RBAK: variants seen among roughly 807,000 people sequenced by gnomAD.
RBAK encodes RB-associated KRAB zinc finger protein.
Under a neutral mutation model 65.8 loss-of-function variants are expected in RBAK, and 39 were observed. That is an observed-to-expected ratio of 0.59 (90% CI 0.46 to 0.77). The LOEUF is 0.77. Ranked by LOEUF, RBAK falls within the 30% of genes least tolerant of loss-of-function variation. The pLI, the probability that RBAK is intolerant of heterozygous loss-of-function variation, is 0.00. For missense variants in RBAK, 884 were observed against 855.1 expected (o/e 1.03, Z -0.42); for synonymous variants, 343 against 289.7 (o/e 1.18, Z -1.87).
chr7:5,046,527 G>A (rs1357184634), intron 1 of RBAK, 131 bp downstream of exon 1: 6 of 358,036 alleles, frequency 1.7e-5, no homozygotes, highest in African/African-American at 1.3e-4. Flanking sequence ...TGGGTTTGAG[G>A]GCAGGGTCCG....
chr7:5,048,745 G>A lies in RBAK; in HGVS notation c.15+654G>A, dbSNP rs1788049787. ...AAGAAAAGAGGTTTAATTGGCTCAC[G>A]CCTGCAGGCTCTATCATAGGAAGCA... is the stretch of plus-strand genomic sequence containing the variant. On this transcript the variant is annotated intron_variant, in intron 2 of 4. Coordinates refer to ENST00000396912, the MANE Select transcript of RBAK (RefSeq NM_021163.4). This position sits in a 1 kb window ranked among gnomAD's most constrained non-coding sequence, Gnocchi z 4.4. Among the ~76,000 whole-genome samples the A allele has an allele frequency of 6.6e-6, 1 of 152,112 alleles. No individual in the cohort carries two copies.
At position 5,065,173 on chromosome 7, in the gene RBAK, G is replaced by A. The variant is rs1196999758; in HGVS notation, c.1717G>A (p.Gly573Arg). ...GAAACCTTATGGATGTAGCGAATGTGGGAAAACCTTTTCCCATAATTCATC... is the reference window on the plus strand; with the variant it reads ...GAAACCTTATGGATGTAGCGAATGTAGGAAAACCTTTTCCCATAATTCATC... ...EEKPYGCSEC[G>R]KTFSHNSSLF... The change falls in exon 5 of 5, where the codon GGG becomes AGG. Residue 573 changes from glycine to arginine, a missense_variant. Coordinates refer to ENST00000396912, the MANE Select transcript of RBAK (RefSeq NM_021163.4). The surrounding 1 kb of genome is among the most constrained non-coding windows in gnomAD (Gnocchi z 5.3). The A allele has an allele frequency of 1.2e-6, 2 of 1,613,666 alleles. No individual in the cohort carries two copies. Among genetic ancestry groups the A allele is most frequent in the Non-Finnish European group, 1.7e-6 (2 of 1,179,836 alleles).
chr7:5,064,073 A>G lies in RBAK; in HGVS notation c.617A>G (p.Glu206Gly), dbSNP rs763592621. The G allele has an allele frequency of 6.2e-7, 1 of 1,613,890 alleles. No individual in the cohort carries two copies. Among genetic ancestry groups the G allele is most frequent in the South Asian group, 1.1e-5 (1 of 91,064 alleles). Reference sequence around the variant, plus strand: ...ATTAGTATTTTGGAGAAACCCTTTGAATATAATGAATGCATGGAAGCCTTA... The same window carrying G: ...ATTAGTATTTTGGAGAAACCCTTTGGATATAATGAATGCATGGAAGCCTTA... ...QKISILEKPFEYNECMEALDN... is the reference protein window; with the variant it reads ...QKISILEKPFGYNECMEALDN... Residue 206 changes from glutamate to glycine, a missense_variant, in exon 5 of 5, where the codon GAA becomes GGA. Glu to Gly is a moderately conservative substitution (Grantham distance 98, BLOSUM62 -2). Coordinates refer to ENST00000396912, the MANE Select transcript of RBAK (RefSeq NM_021163.4). The surrounding 1 kb of genome is among the most constrained non-coding windows in gnomAD (Gnocchi z 6.3).
chr7:5,046,144 G>A lies in RBAK; in HGVS notation c.-297G>A, dbSNP rs1438299793. The stretch of plus-strand genomic sequence containing the variant: ...GAGGCGAAGGGGCGGCGGGACGCGG[G>A]CCTGGCCCGTGTGTGTCCTGGCGGC... On this transcript the variant is annotated 5_prime_UTR_variant, in exon 1 of 5. Transcript: ENST00000396912. 1.5e-5 allele frequency: 6 copies of A among 398,606 alleles called. No individual in the cohort carries two copies. The highest frequency in any genetic ancestry group is 8.3e-5 in the Admixed American group (3 of 35,974). The allele number at this position is 398,606 out of a possible 1,614,324, so 24.7% of individuals were successfully genotyped here.
intron 4 of RBAK, among the ~76,000 whole-genome samples, chr7:5,058,206 C>T (rs891964016): frequency 2.0e-5 from 3 of 152,138 alleles, no homozygotes; most frequent in African/African-American, 7.2e-5. Context: ...TCCCAAGTAG[C>T]TGGGATTACA....
Position 5,046,210 on chromosome 7 carries a change from G to A in RBAK, c.-231G>A, listed in dbSNP as rs73332924. 0.016 allele frequency: 7,681 copies of A among 493,722 alleles called. 513 individuals carry two copies. Among genetic ancestry groups the A allele is most frequent in the African/African-American group, 0.13 (6,901 of 51,530 alleles). The allele number at this position is 493,722 out of a possible 1,614,324, so 30.6% of individuals were successfully genotyped here. On this transcript the variant is annotated 5_prime_UTR_variant, in exon 1 of 5. Transcript: ENST00000396912. ...GCTGTACGGTGAGCCCGAGGGAGGC[G>A]GATCTGGGTCCCGGGAAGGACACCC...
In RBAK at chr7:5,064,767, C is replaced by A. The variant is rs916340685; in HGVS notation, c.1311C>A (p.Phe437Leu). 22 of 1,613,920 alleles carry A rather than the reference C, an allele frequency of 1.4e-5. 1 individual carries two copies. Among genetic ancestry groups the A allele is most frequent in the Middle Eastern group, 1.6e-4 (1 of 6,080 alleles). ...ATCAGTGTAGCGAGTGTGGGAAATTCTTTTCTCGGGTGTCATACCTCACTA... is the reference window on the plus strand; with the variant it reads ...ATCAGTGTAGCGAGTGTGGGAAATTATTTTCTCGGGTGTCATACCTCACTA... ...KPYQCSECGK[F>L]FSRVSYLTIH... Residue 437 changes from phenylalanine (F) to leucine (L), a missense_variant, in exon 5 of 5, where the codon TTC becomes TTA. Transcript: ENST00000396912. This position sits in a 1 kb window ranked among gnomAD's most constrained non-coding sequence, Gnocchi z 6.3.
intron 4 of RBAK, 140 bp downstream of exon 4, chr7:5,057,919 A>T (rs1778969177): frequency 1.2e-6 from 1 of 828,354 alleles, no homozygotes; most frequent in Non-Finnish European, 1.9e-6. Context: ...GCACACATAC[A>T]TGAACTCTTT....
In RBAK at chr7:5,064,185, A is replaced by G; in HGVS notation, c.729A>G (p.Ile243Met). 1.2e-6 allele frequency: 2 copies of G among 1,613,922 alleles called. No homozygotes were observed. Among genetic ancestry groups the G allele is most frequent in the Non-Finnish European group, 1.7e-6 (2 of 1,179,918 alleles). The change falls in exon 5 of 5, where the codon ATA becomes ATG. Residue 243 changes from isoleucine to methionine, a missense_variant. Ile to Met is a conservative substitution (Grantham distance 10, BLOSUM62 1). Transcript: ENST00000396912. This position sits in a 1 kb window ranked among gnomAD's most constrained non-coding sequence, Gnocchi z 6.3. ...YEWNDSGPDF[I>M]QMSNFNAYQR... ...GGAATGATTCTGGACCAGACTTCAT[A>G]CAGATGTCAAATTTTAATGCATATC... is the stretch of plus-strand genomic sequence containing the variant.
chr7:5,057,285 G>A lies in RBAK; in HGVS notation c.16-10G>A, dbSNP rs1554282326. On this transcript the variant is annotated splice_polypyrimidine_tract_variant and intron_variant, in intron 2 of 4. Transcript: ENST00000396912. Reference sequence around the variant, plus strand: ...CGTATCTCCCAATTCTGATCATGTTGCCATTACAGGGGCCAGTGTCATTCA... The same window carrying A: ...CGTATCTCCCAATTCTGATCATGTTACCATTACAGGGGCCAGTGTCATTCA... The A allele has an allele frequency of 1.9e-5, 30 of 1,613,680 alleles. 2 individuals are homozygous for A. In the South Asian group the frequency reaches 3.3e-4, roughly 18 times the overall value.
intron 1 of RBAK, among the ~76,000 whole-genome samples, chr7:5,046,843 A>C (rs1355147067): frequency 1.3e-5 from 2 of 152,112 alleles, no homozygotes. Flanking sequence ...ACTGGGCCTT[A>C]GCAGGTGGGT....
Position 5,063,831 on chromosome 7 carries a change from A to C in RBAK, c.375A>C (p.Thr125=), listed in dbSNP as rs1003631452. ...ENTFSQIYME[T]SLVPSSIIAH... ...CATTTAGTCAAATTTACATGGAAACAAGCCTTGTTCCTTCAAGCATAATAG... is the reference window on the plus strand; with the variant it reads ...CATTTAGTCAAATTTACATGGAAACCAGCCTTGTTCCTTCAAGCATAATAG... The change falls in exon 5 of 5, where the codon ACA becomes ACC. Residue 125 remains threonine, a synonymous_variant. Transcript: ENST00000396912. 4 of 1,613,996 alleles carry C rather than the reference A, an allele frequency of 2.5e-6. No homozygotes were observed. Among genetic ancestry groups the C allele is most frequent in the Non-Finnish European group, 3.4e-6 (4 of 1,180,006 alleles).
chr7:5,067,236 G>GA lies in RBAK; in HGVS notation c.*1639dup, dbSNP rs1418729045. On this transcript the variant is annotated 3_prime_UTR_variant, in exon 5 of 5. Transcript: ENST00000396912. Reference sequence around the variant, plus strand: ...AGAGAAACAAAAGGCATAGAGATTAGAAAAGAAGTAAAACTTTAAAAACGA... The same window carrying GA: ...AGAGAAACAAAAGGCATAGAGATTAGAAAAAGAAGTAAAACTTTAAAAACGA... 3.9e-5 allele frequency: 6 copies of GA among 152,086 alleles called. No individual in the cohort carries two copies. Among genetic ancestry groups the GA allele is most frequent in the Admixed American group, 3.9e-4 (6 of 15,256 alleles). 9.4% of individuals were successfully genotyped at this position (152,086 alleles called of 1,614,324 possible).
In RBAK at chr7:5,048,010, G is replaced by T. The variant is rs1788031469; in HGVS notation, c.-44-23G>T. ...GCAGGCCAGAGCACTCATGACTTCA[G>T]TGACCTGCTTCTCCCCCTCTAGGTC... On this transcript the variant is annotated intron_variant, in intron 1 of 4. Transcript: ENST00000396912. This position sits in a 1 kb window ranked among gnomAD's most constrained non-coding sequence, Gnocchi z 4.4. The T allele has an allele frequency of 7.4e-7, 1 of 1,346,838 alleles. No homozygotes were observed. The highest frequency in any genetic ancestry group is 1.0e-6 in the Non-Finnish European group (1 of 973,672). The allele number at this position is 1,346,838 out of a possible 1,614,324, so 83.4% of individuals were successfully genotyped here. A position where few individuals can be genotyped will look rare whatever the true frequency, so the allele number is the denominator to read the frequency against.
At chr7:5,062,917 A>G (rs1215699286) in intron 4 of RBAK, among the ~76,000 whole-genome samples, 1 of 152,182 alleles carries the variant, frequency 6.6e-6, no homozygotes, top group Non-Finnish European at 1.5e-5. Flanking sequence ...TTCCCTAAAC[A>G]TTGCTGTTTT....
chr7:5,062,747 C>G (rs1336966578), intron 4 of RBAK, among the ~76,000 whole-genome samples: 2 of 152,182 alleles, frequency 1.3e-5, no homozygotes, highest in Non-Finnish European at 2.9e-5. Flanking sequence ...AGGGGGCCAT[C>G]TATAGGCCCA....
At chr7:5,052,271 A>G (rs1788132659) in intron 2 of RBAK, among the ~76,000 whole-genome samples, 3 of 152,226 alleles carry the variant, frequency 2.0e-5, no homozygotes, top group Admixed American at 6.5e-5. Context: ...TCTTGTAGGC[A>G]GCAAGATTTG....
rs749184652 is a variant in RBAK, at chr7:5,048,466, G to A, written c.15+375G>A. Among the ~76,000 whole-genome samples, 2 of 152,208 alleles carry A rather than the reference G, an allele frequency of 1.3e-5. No homozygotes were observed. Among genetic ancestry groups the A allele is most frequent in the Admixed American group, 6.5e-5 (1 of 15,278 alleles). On this transcript the variant is annotated intron_variant, in intron 2 of 4. Transcript: ENST00000396912. The surrounding 1 kb of genome is among the most constrained non-coding windows in gnomAD (Gnocchi z 4.4). ...TGGGATTACAGGCATGAGCCACCGC[G>A]CCCAGCCAGGATTCATACTTTAAAA...
In RBAK at chr7:5,065,279, CAT is replaced by C; in HGVS notation, c.1826_1827del (p.Tyr609SerfsTer15). 6.2e-7 allele frequency: 1 copy of C among 1,614,004 alleles called. No homozygotes were observed. Among genetic ancestry groups the C allele is most frequent in the Non-Finnish European group, 8.5e-7 (1 of 1,179,928 alleles). On this transcript the variant is annotated frameshift_variant, in exon 5 of 5. Transcript: ENST00000396912. LOFTEE classifies it high-confidence loss of function. This position sits in a 1 kb window ranked among gnomAD's most constrained non-coding sequence, Gnocchi z 5.3. ...TGTGGAAAATTCTTCTCTCAGAAAT[CAT>C]ATCTCACTATACATCATCGAATTCA...
Sources: gnomAD v4.1 joint callset for allele counts (sites outside exome capture counted in the v4.1 genomes callset) on GRCh38, gnomAD v4.1.1 for gene constraint, Gnocchi (gnomAD v3.1) non-coding constraint, MANE v1.5 for transcripts, NCBI Gene and HGNC (gene_info 2026-07-23, HGNC 2026-07-21) for gene names.